MDGA2: variants seen among roughly 807,000 people sequenced by gnomAD.
The protein encoded by MDGA2 is MAM domain containing glycosylphosphatidylinositol anchor 2.
In MDGA2, 40 loss-of-function variants were observed where a neutral mutation model predicts 117.8. The ratio of observed to expected loss-of-function variants is 0.34; its 90% CI spans 0.26 to 0.44. The LOEUF (loss-of-function observed/expected upper bound fraction) is 0.44, where lower values mean the gene tolerates loss of function less well. Among genes scored for constraint, MDGA2 ranks in the 20% least tolerant of loss-of-function variants. The pLI is 1.00. For synonymous variants in MDGA2, 452 were observed against 439.0 expected, an observed-to-expected ratio of 1.03 and a Z score of -0.37; for missense variants, 1,123 against 1,250.6, an observed-to-expected ratio of 0.90 and a Z score of 1.54.
rs559710547 is a variant in MDGA2, at chr14:47,307,689, G to A, written c.281-6139C>T. Among the ~76,000 whole-genome samples, 636 of 146,006 alleles carry A rather than the reference G, an allele frequency of 4.4e-3. 3 individuals carry two copies. Among genetic ancestry groups the A allele is most frequent in the African/African-American group, 0.015 (609 of 40,678 alleles). On this transcript the variant is annotated intron_variant, in intron 1 of 16. Coordinates refer to ENST00000399232, the MANE Select transcript of MDGA2 (RefSeq NM_001113498.3). The stretch of plus-strand genomic sequence containing the variant: ...GGTGACAGAGAGATACTCTGTGGGG[G>A]GGAAAAAAAAAGGCAGGAAAAAAAT...
chr14:47,244,975 A>G (rs906577565), intron 2 of MDGA2, among the ~76,000 whole-genome samples: 2 of 151,630 alleles, frequency 1.3e-5, no homozygotes, highest in Non-Finnish European at 3.0e-5. Flanking sequence ...TCCACTTAAT[A>G]AATAGTAAGG....
At chr14:47,389,744 G>A (rs1891851179) in intron 1 of MDGA2, among the ~76,000 whole-genome samples, 1 of 152,104 alleles carries the variant, frequency 6.6e-6, no homozygotes, top group Non-Finnish European at 1.5e-5. Flanking sequence ...AAAAAAGGGG[G>A]GAGGGATTTC....
intron 1 of MDGA2, among the ~76,000 whole-genome samples, chr14:47,393,016 T>A (rs896451152): frequency 6.6e-6 from 1 of 151,762 alleles, no homozygotes; most frequent in African/African-American, 2.4e-5. Flanking sequence ...AAGAAAGTAA[T>A]CTTCCAAAGT....
chr14:47,110,046 T>C (rs1040671873), intron 5 of MDGA2, among the ~76,000 whole-genome samples: 8 of 152,128 alleles, frequency 5.3e-5, no homozygotes, highest in South Asian at 4.1e-4. Flanking sequence ...ATTGACAAAT[T>C]CTAGTTATGA....
intron 8 of MDGA2, among the ~76,000 whole-genome samples, chr14:46,992,908 G>T (rs76452646): frequency 0.018 from 2,753 of 152,098 alleles, 34 homozygotes; most frequent in Non-Finnish European, 0.031. Context: ...AAACCTAATC[G>T]CTTACATATC....
chr14:47,029,355 C>CTTTCATAA (rs1230504352), intron 8 of MDGA2, among the ~76,000 whole-genome samples: 3 of 152,018 alleles, frequency 2.0e-5, no homozygotes, highest in Non-Finnish European at 4.4e-5. Flanking sequence ...TGATTATTTT[C>CTTTCATAA]TTTCATAATT....
At chr14:47,169,389 G>GTA (rs1248371380) in intron 3 of MDGA2, among the ~76,000 whole-genome samples, 3 of 151,418 alleles carry the variant, frequency 2.0e-5, no homozygotes, top group Admixed American at 6.6e-5. Context: ...ATATATATAT[G>GTA]TATATATATA....
At chr14:47,448,080 T>C (rs1235424188) in intron 1 of MDGA2, among the ~76,000 whole-genome samples, 7 of 152,042 alleles carry the variant, frequency 4.6e-5, no homozygotes, top group Admixed American at 3.9e-4. Flanking sequence ...GTGAGAAGGA[T>C]AGCTTTTGGT....
chr14:47,228,076 C>G (rs1886568937), intron 2 of MDGA2, among the ~76,000 whole-genome samples: 1 of 152,026 alleles, frequency 6.6e-6, no homozygotes, highest in South Asian at 2.1e-4. Context: ...TAACTCCATC[C>G]TTCCAGTTAT....
At chr14:47,033,520 A>G (rs1476940245) in intron 8 of MDGA2, among the ~76,000 whole-genome samples, 2 of 152,194 alleles carry the variant, frequency 1.3e-5, no homozygotes, top group Non-Finnish European at 2.9e-5. Flanking sequence ...AGAAAATGGG[A>G]AGCAGTTTCA....
At chr14:47,518,079 A>T (rs1003488934) in intron 1 of MDGA2, among the ~76,000 whole-genome samples, 9 of 152,092 alleles carry the variant, frequency 5.9e-5, no homozygotes, top group Non-Finnish European at 1.3e-4. Context: ...AGCAGTAAAG[A>T]GTGAAGAGGT....
intron 1 of MDGA2, among the ~76,000 whole-genome samples, chr14:47,459,420 T>C (rs896314935): frequency 1.3e-5 from 2 of 152,030 alleles, no homozygotes; most frequent in African/African-American, 4.8e-5. Flanking sequence ...CTTTTTTTTT[T>C]TTCAGAATTG....
At chr14:46,919,473 T>C (rs1884039579) in intron 10 of MDGA2, among the ~76,000 whole-genome samples, 3 of 152,236 alleles carry the variant, frequency 2.0e-5, no homozygotes, top group Non-Finnish European at 4.4e-5. Context: ...TTTTTCCACA[T>C]AACCCTTGAT....
chr14:47,392,689 T>C (rs1011428290), intron 1 of MDGA2, among the ~76,000 whole-genome samples: 2 of 152,168 alleles, frequency 1.3e-5, no homozygotes, highest in Non-Finnish European at 2.9e-5. Flanking sequence ...CTGCTTTACA[T>C]GGCAATGTGG....
chr14:46,896,891 G>A (rs1055120854), intron 10 of MDGA2, among the ~76,000 whole-genome samples: 7 of 152,106 alleles, frequency 4.6e-5, no homozygotes, highest in Non-Finnish European at 8.8e-5. Context: ...CTCCAAATTA[G>A]GTGTGGTCAT....
chr14:47,306,678 C>A (rs1215392215), intron 1 of MDGA2, among the ~76,000 whole-genome samples: 3 of 152,158 alleles, frequency 2.0e-5, no homozygotes, highest in Non-Finnish European at 4.4e-5. Context: ...GTTAAGGTAA[C>A]AGATCTGTTT....
intron 1 of MDGA2, among the ~76,000 whole-genome samples, chr14:47,524,102 A>C (rs761205240): frequency 1.3e-5 from 2 of 152,184 alleles, no homozygotes; most frequent in African/African-American, 2.4e-5. Flanking sequence ...GATAGTTTTT[A>C]AAATAGACTT....
At chr14:47,249,775 C>T (rs1372676730) in intron 2 of MDGA2, among the ~76,000 whole-genome samples, 10 of 152,230 alleles carry the variant, frequency 6.6e-5, no homozygotes, top group East Asian at 1.9e-4. Context: ...TGAAGTCCTA[C>T]GGAGTAAGAC....
intron 1 of MDGA2, among the ~76,000 whole-genome samples, chr14:47,512,282 T>TA (rs1379812542): frequency 1.8e-4 from 27 of 152,216 alleles, no homozygotes; most frequent in Non-Finnish European, 7.3e-5. Flanking sequence ...TCAGAATTTT[T>TA]AAAAAGTGAC....
Sources: allele counts gnomAD v4.1 joint callset (sites outside exome capture counted in the v4.1 genomes callset), GRCh38; gene constraint gnomAD v4.1.1; transcripts MANE v1.5; gene names NCBI Gene and HGNC (gene_info 2026-07-23, HGNC 2026-07-21).